The following DAZAP1 variants were observed in gnomAD, a reference collection of about 807,000 sequenced individuals.
DAZAP1 encodes DAZ associated protein 1.
A neutral mutation model predicts 60.1 loss-of-function variants in DAZAP1; 6 were observed. The observed-to-expected ratio is 0.10, with a 90% CI of 0.05 to 0.20. The LOEUF (loss-of-function observed/expected upper bound fraction) is 0.20, where lower values mean the gene tolerates loss of function less well. DAZAP1 is among the 10% of genes least tolerant of loss of function. The pLI is 1.00. For missense variants in DAZAP1, 366 were observed against 560.4 expected, an observed-to-expected ratio of 0.65 and a Z score of 3.50; for synonymous variants, 235 against 215.9, an observed-to-expected ratio of 1.09 and a Z score of -0.78.
intron 6 of DAZAP1, among the ~76,000 whole-genome samples, chr19:1,424,102 C>T (rs1453958325): frequency 6.6e-6 from 1 of 151,826 alleles, no homozygotes; most frequent in Non-Finnish European, 1.5e-5. Context: ...CCCTCTTCCT[C>T]TCCACTGACT....
chr19:1,413,018 G>A (rs2082872892), intron 1 of DAZAP1, among the ~76,000 whole-genome samples: 1 of 152,212 alleles, frequency 6.6e-6, no homozygotes, highest in Admixed American at 6.5e-5. Flanking sequence ...GCCGTCAGCT[G>A]GGTGATGACT....
chr19:1,411,621 A>G (rs971820324), intron 1 of DAZAP1, among the ~76,000 whole-genome samples: 1 of 152,194 alleles, frequency 6.6e-6, no homozygotes, highest in Non-Finnish European at 1.5e-5. Context: ...TGCCCTTCAC[A>G]CAGCAGCTCC....
intron 1 of DAZAP1, 52 bp downstream of exon 1, chr19:1,407,854 C>T (rs2082708693): frequency 1.9e-6 from 2 of 1,053,952 alleles, no homozygotes; most frequent in Non-Finnish European, 2.3e-6. Context: ...CGGCCCGCCG[C>T]TCCCCGCCGC....
intron 1 of DAZAP1, chr19:1,415,997 A>T (rs1410882823): frequency 6.6e-6 from 1 of 152,186 alleles, no homozygotes; most frequent in East Asian, 1.9e-4. Context: ...TCTTAGGGAA[A>T]AAAGAAGGAA....
intron 1 of DAZAP1, among the ~76,000 whole-genome samples, chr19:1,408,810 C>T (rs1446485488): frequency 2.0e-5 from 3 of 152,242 alleles, no homozygotes; most frequent in Non-Finnish European, 4.4e-5. Context: ...CGGCGCCATT[C>T]TTTGGTAGGA....
chr19:1,428,957 A>C lies in DAZAP1; in HGVS notation c.662A>C (p.Gln221Pro), dbSNP rs2083372210. ...AACGCTGCCAATGGCTGGGCAGGCCAGCCCCCGCCCACGTGGCAGCAAGGA... is the reference window on the plus strand; with the variant it reads ...AACGCTGCCAATGGCTGGGCAGGCCCGCCCCCGCCCACGTGGCAGCAAGGA... ...VPNAANGWAGQPPPTWQQGYG... is the reference protein window; with the variant it reads ...VPNAANGWAGPPPPTWQQGYG... The change falls in exon 8 of 12, where the codon CAG becomes CCG. Residue 221 changes from glutamine (Q) to proline (P), a missense_variant. Gln to Pro is a moderately conservative substitution (Grantham distance 76, BLOSUM62 -1). Transcript: ENST00000233078. The surrounding 1 kb of genome is among the most constrained non-coding windows in gnomAD (Gnocchi z 4.0). 13 of 1,608,872 alleles carry C rather than the reference A, an allele frequency of 8.1e-6. No homozygotes were observed. The East Asian group carries it at 2.7e-4, about 33-fold the overall frequency.
intron 5 of DAZAP1, among the ~76,000 whole-genome samples, 166 bp downstream of exon 5, chr19:1,421,424 A>C (rs941692989): frequency 6.6e-6 from 1 of 152,274 alleles, no homozygotes; most frequent in African/African-American, 2.4e-5. Flanking sequence ...GAAAGGTGGA[A>C]AGCCCGGCCT....
chr19:1,429,444 CCACGTTGTGG>C (rs2083386715), intron 8 of DAZAP1, among the ~76,000 whole-genome samples: 1 of 152,216 alleles, frequency 6.6e-6, no homozygotes, highest in African/African-American at 2.4e-5. Context: ...GTAGTTAGGC[CCACGTTGTGG>C]GCCGTCCTTG....
chr19:1,410,240 C>G (rs1175631448), intron 1 of DAZAP1, among the ~76,000 whole-genome samples: 2 of 152,182 alleles, frequency 1.3e-5, no homozygotes, highest in Non-Finnish European at 2.9e-5. Flanking sequence ...CTTACACACA[C>G]CGACTTCCAG....
chr19:1,420,484 GAA>G (rs1336006438), intron 4 of DAZAP1, among the ~76,000 whole-genome samples: 3 of 140,950 alleles, frequency 2.1e-5, no homozygotes, highest in African/African-American at 5.2e-5. Context: ...CTTGGATAGG[GAA>G]AAAAAAAAAA....
Position 1,430,272 on chromosome 19 carries a change from C to A in DAZAP1, c.781C>A (p.Pro261Thr). ...AGRGAPPPPP[P>T]FTSYIVSTPP... ...AAGAGGAGCCCCCCCGCCACCCCCA[C>A]CGTTCACCTCCTACATCGTGTCCAC... The change falls in exon 10 of 12, where the codon CCG becomes ACG. Residue 261 changes from proline (P) to threonine (T), a missense_variant. By Grantham distance (38) the Pro-to-Thr change is conservative (BLOSUM62 -1). Coordinates refer to ENST00000233078, the MANE Select transcript of DAZAP1 (RefSeq NM_018959.4). 7.0e-7 allele frequency: 1 copy of A among 1,422,926 alleles called. No homozygotes were observed. Among genetic ancestry groups the A allele is most frequent in the Non-Finnish European group, 9.7e-7 (1 of 1,029,698 alleles). The allele number at this position is 1,422,926 out of a possible 1,614,324, so 88.1% of individuals were successfully genotyped here.
At chr19:1,415,696 G>C (rs1427274193) in intron 1 of DAZAP1, 2 of 152,210 alleles carry the variant, frequency 1.3e-5, no homozygotes, top group African/African-American at 4.8e-5. Context: ...TGATTGCGAA[G>C]GGTGCGTGGG....
At chr19:1,408,122 G>A (rs1298926477) in intron 1 of DAZAP1, among the ~76,000 whole-genome samples, 1 of 151,870 alleles carries the variant, frequency 6.6e-6, no homozygotes, top group African/African-American at 2.4e-5. Context: ...GGCAACCTGG[G>A]GGGGTGTCCT....
chr19:1,408,383 G>T (rs1025066409), intron 1 of DAZAP1, among the ~76,000 whole-genome samples: 1 of 152,184 alleles, frequency 6.6e-6, no homozygotes, highest in Non-Finnish European at 1.5e-5. Context: ...TGGCCAGGGG[G>T]ACCCCAAACT....
intron 6 of DAZAP1, among the ~76,000 whole-genome samples, chr19:1,424,610 C>T (rs533809728): frequency 1.3e-5 from 2 of 152,100 alleles, no homozygotes; most frequent in African/African-American, 4.8e-5. Flanking sequence ...TAGGCTGCTC[C>T]TTCCGGGGGC....
chr19:1,430,254 G>GGGGCCCCCCCCCC lies in DAZAP1; in HGVS notation c.763_764insGGGCCCCCCCCCC (p.Ala255GlyfsTer176). ...TGGACCGCCCCCTGCAGGAAGAGGA[G>GGGGCCCCCCCCCC]CCCCCCCGCCACCCCCACCGTTCAC... On this transcript the variant is annotated frameshift_variant, in exon 10 of 12. Coordinates refer to ENST00000233078, the MANE Select transcript of DAZAP1 (RefSeq NM_018959.4). LOFTEE classifies it high-confidence loss of function. The GGGGCCCCCCCCCC allele has an allele frequency of 7.7e-7, 1 of 1,295,262 alleles. No individual in the cohort carries two copies. The highest frequency in any genetic ancestry group is 1.1e-6 in the Non-Finnish European group (1 of 924,070). The allele number at this position is 1,295,262 out of a possible 1,614,324, so 80.2% of individuals were successfully genotyped here. A position where few individuals can be genotyped will look rare whatever the true frequency, so the allele number is the denominator to read the frequency against.
intron 5 of DAZAP1, among the ~76,000 whole-genome samples, chr19:1,421,494 G>T (rs1302999242): frequency 6.6e-6 from 1 of 152,262 alleles, no homozygotes; most frequent in Non-Finnish European, 1.5e-5. Flanking sequence ...CAGCCTGACA[G>T]CCTTCAGGGC....
rs1296453541 is a variant in DAZAP1 at position 1,407,651 on chromosome 19, CCGCCGCCGCCGT to C, written c.-122_-111del. The C allele has an allele frequency of 6.3e-6, 6 of 958,364 alleles. No individual in the cohort carries two copies. The highest frequency in any genetic ancestry group is 1.8e-5 in the African/African-American group (1 of 55,228). The allele number at this position is 958,364 out of a possible 1,614,324, so 59.4% of individuals were successfully genotyped here. On this transcript the variant is annotated 5_prime_UTR_variant, in exon 1 of 12. Transcript: ENST00000233078. ...GCCGCCGCCGCCGCCGCCGCCGCCGCCGCCGCCGCCGTTGCGCAGATCCGGGCCGCGGCTGTG... is the reference window on the plus strand; with the variant it reads ...GCCGCCGCCGCCGCCGCCGCCGCCGCTGCGCAGATCCGGGCCGCGGCTGTG...
intron 1 of DAZAP1, among the ~76,000 whole-genome samples, chr19:1,408,165 G>A (rs867336955): frequency 2.0e-5 from 3 of 151,940 alleles, no homozygotes; most frequent in Non-Finnish European, 2.9e-5. Context: ...CCGACTGCGC[G>A]TCCTGAGGGA....
Sources: allele counts gnomAD v4.1 joint callset (sites outside exome capture counted in the v4.1 genomes callset), GRCh38; gene constraint gnomAD v4.1.1; non-coding constraint Gnocchi (gnomAD v3.1); transcripts MANE v1.5; gene names NCBI Gene and HGNC (gene_info 2026-07-23, HGNC 2026-07-21).